SALL1: variants seen among roughly 807,000 people sequenced by gnomAD.
SALL1 encodes spalt like transcription factor 1.
Under a neutral mutation model 73.1 loss-of-function variants are expected in SALL1, and 10 were observed. The observed-to-expected ratio is 0.14, with a 90% CI of 0.08 to 0.23. The LOEUF is 0.23. SALL1 is among the 10% of genes least tolerant of loss of function. SALL1 has a pLI of 1.00. For synonymous variants in SALL1, 688 were observed against 689.8 expected (o/e 1.00, Z 0.04); for missense variants, 1,520 against 1,697.3 (o/e 0.90, Z 1.84).
chr16:51,142,042 G>A lies in SALL1; in HGVS notation c.180C>T (p.Leu60=). Residue 60 remains leucine, a synonymous_variant, in exon 2 of 3, where the codon CTC becomes CTT. Coordinates refer to ENST00000251020, the MANE Select transcript of SALL1 (RefSeq NM_002968.3). ...AEFFELSDLL[L]HKKNCTKNQL... ...GATTTTTAGTACAGTTCTTCTTGTG[G>A]AGCAGAAGATCTGATAATTCAAAGA... 1.2e-6 allele frequency: 2 copies of A among 1,613,846 alleles called. No homozygotes were observed. Among genetic ancestry groups the A allele is most frequent in the South Asian group, 1.1e-5 (1 of 91,074 alleles).
chr16:51,147,291 T>C (rs1329476796), intron 1 of SALL1, among the ~76,000 whole-genome samples: 1 of 152,246 alleles, frequency 6.6e-6, no homozygotes, highest in Non-Finnish European at 1.5e-5. Context: ...CTCATTTATG[T>C]GTTTGTTTTT....
chr16:51,141,640 G>T lies in SALL1; in HGVS notation c.582C>A (p.Asn194Lys). 2 of 1,613,854 alleles carry T rather than the reference G, an allele frequency of 1.2e-6. No individual in the cohort carries two copies. Among genetic ancestry groups the T allele is most frequent in the Non-Finnish European group, 1.7e-6 (2 of 1,180,024 alleles). Residue 194 changes from asparagine (N) to lysine (K), a missense_variant, in exon 2 of 3, where the codon AAC (asparagine) becomes AAA (lysine). Coordinates refer to ENST00000251020, the MANE Select transcript of SALL1 (RefSeq NM_002968.3). The surrounding 1 kb of genome is among the most constrained non-coding windows in gnomAD (Gnocchi z 5.4). ...TLGNFSVINS[N>K]VIIENLQSTK... ...TGCTCTGGAGGTTCTCGATGATGACGTTGCTGTTGATTACGGAGAAGTTGC... is the reference window on the plus strand; with the variant it reads ...TGCTCTGGAGGTTCTCGATGATGACTTTGCTGTTGATTACGGAGAAGTTGC...
chr16:51,150,378 G>C (rs1029697105), intron 1 of SALL1: 2 of 984,698 alleles, frequency 2.0e-6, no homozygotes, highest in South Asian at 9.4e-5. Flanking sequence ...GGCGCATACC[G>C]ACCAGAAAGA....
chr16:51,139,217 G>A lies in SALL1; in HGVS notation c.3005C>T (p.Ala1002Val), dbSNP rs1962365125. 16 of 1,614,110 alleles carry A rather than the reference G, an allele frequency of 9.9e-6. No individual in the cohort carries two copies. Among genetic ancestry groups the A allele is most frequent in the African/African-American group, 1.3e-5 (1 of 74,926 alleles). ...AAATGTTTTGCCACAAATGTCACAA[G>A]CAGTGTTTTTAAATTTACCCCGGTC... ...FRDRGKFKNT[A>V]CDICGKTFAC... is the part of the protein sequence containing the mutation. Residue 1002 changes from alanine to valine, a missense_variant, in exon 2 of 3, where the codon GCT (alanine) becomes GTT (valine). Coordinates refer to ENST00000251020, the MANE Select transcript of SALL1 (RefSeq NM_002968.3).
Position 51,140,365 on chromosome 16 carries a change from G to C in SALL1, c.1857C>G (p.Pro619=). The C allele has an allele frequency of 6.2e-7, 1 of 1,614,120 alleles. No homozygotes were observed. The change falls in exon 2 of 3, where the codon CCC becomes CCG. Residue 619 remains proline, a synonymous_variant. Transcript: ENST00000251020. This position sits in a 1 kb window ranked among gnomAD's most constrained non-coding sequence, Gnocchi z 5.7. ...PEEAEGSTLP[P]SGGKSEESGM... ...CACTCTCTTCGCTTTTGCCACCAGA[G>C]GGTGGCAGAGTGGACCCTTCGGCTT... is the stretch of plus-strand genomic sequence containing the variant.
chr16:51,145,634 T>C (rs1369921940), intron 1 of SALL1, among the ~76,000 whole-genome samples: 1 of 152,142 alleles, frequency 6.6e-6, no homozygotes, highest in Non-Finnish European at 1.5e-5. Context: ...TTCAAATTTG[T>C]CAGTTTTTCA....
At chr16:51,142,775 C>T (rs908976211) in intron 1 of SALL1, among the ~76,000 whole-genome samples, 3 of 152,200 alleles carry the variant, frequency 2.0e-5, no homozygotes, top group African/African-American at 7.2e-5. Context: ...TTCCTCAAAA[C>T]TCACTTGAAC....
chr16:51,143,646 T>G (rs2143457336), intron 1 of SALL1, among the ~76,000 whole-genome samples: 1 of 152,316 alleles, frequency 6.6e-6, no homozygotes, highest in South Asian at 2.1e-4. Flanking sequence ...TAGTAAACAT[T>G]TTTAAAAACT....
At position 51,140,685 on chromosome 16, in the gene SALL1, C is replaced by T; in HGVS notation, c.1537G>A (p.Val513Met). ...YPHIQMNPYP[V>M]PEHLDNIPTS... ...GGGATATTGTCCAAATGCTCAGGCA[C>T]AGGATAGGGGTTCATCTGGATATGA... The change falls in exon 2 of 3, where the codon GTG becomes ATG. Residue 513 changes from valine (V) to methionine (M), a missense_variant. Physicochemically the swap from Val to Met is conservative, Grantham distance 21 (BLOSUM62 1). This residue lies in a region of SALL1 where 276 missense variants were observed against 259.1 expected (regional missense o/e 1.07). Coordinates refer to ENST00000251020, the MANE Select transcript of SALL1 (RefSeq NM_002968.3). The surrounding 1 kb of genome is among the most constrained non-coding windows in gnomAD (Gnocchi z 5.7). 3 of 1,614,120 alleles carry T rather than the reference C, an allele frequency of 1.9e-6. No homozygotes were observed. The highest frequency in any genetic ancestry group is 2.5e-6 in the Non-Finnish European group (3 of 1,180,020).
Position 51,141,796 on chromosome 16 carries a change from G to A in SALL1, c.426C>T (p.Gly142=). ...TGCTTGGGGCGGTACTGCTGTGGCTGCCGCTGGAAGTGCCGCTGCCGCTTT... is the reference window on the plus strand; with the variant it reads ...TGCTTGGGGCGGTACTGCTGTGGCTACCGCTGGAAGTGCCGCTGCCGCTTT... The part of the protein sequence containing the change: ...ANKSGSGTSS[G]SHSSTAPSSS... Residue 142 remains glycine (G), a synonymous_variant, in exon 2 of 3, where the codon GGC becomes GGT. Transcript: ENST00000251020. This position sits in a 1 kb window ranked among gnomAD's most constrained non-coding sequence, Gnocchi z 5.4. The A allele has an allele frequency of 1.9e-6, 3 of 1,613,632 alleles. No individual in the cohort carries two copies. The highest frequency in any genetic ancestry group is 2.5e-6 in the Non-Finnish European group (3 of 1,179,868).
chr16:51,140,624 G>C lies in SALL1; in HGVS notation c.1598C>G (p.Pro533Arg), dbSNP rs140591268. ...STGIPYGMSIPPEKPVTSWLD... is the reference protein window; with the variant it reads ...STGIPYGMSIRPEKPVTSWLD... ...CCAGCTGGTGACTGGCTTCTCTGGA[G>C]GGATGGACATGCCATATGGGATGCC... Residue 533 changes from proline (P) to arginine (R), a missense_variant, in exon 2 of 3, where the codon CCT (proline) becomes CGT (arginine). By Grantham distance (103) the Pro-to-Arg change is moderately radical. Around this residue, in one of 7 missense-constraint regions of SALL1, gnomAD observed 276 missense variants for 259.1 expected, o/e 1.07. Transcript: ENST00000251020. The surrounding 1 kb of genome is among the most constrained non-coding windows in gnomAD (Gnocchi z 5.7). The C allele has an allele frequency of 6.8e-6, 11 of 1,614,182 alleles. No homozygotes were observed. The highest frequency in any genetic ancestry group is 3.3e-5 in the Admixed American group (2 of 60,024).
At chr16:51,150,764 C>T in intron 1 of SALL1, 1 of 232,650 alleles carries the variant, frequency 4.3e-6, no homozygotes, top group Non-Finnish European at 7.3e-6. Flanking sequence ...GGGCCGGCGC[C>T]GGGAGCGCTA....
intron 1 of SALL1, among the ~76,000 whole-genome samples, chr16:51,147,127 T>C (rs1254394492): frequency 1.3e-5 from 2 of 152,148 alleles, no homozygotes; most frequent in Non-Finnish European, 2.9e-5. Flanking sequence ...TCCAAAAGTA[T>C]AAAGAAAACA....
At chr16:51,148,318 T>C (rs1962547693) in intron 1 of SALL1, among the ~76,000 whole-genome samples, 1 of 152,204 alleles carries the variant, frequency 6.6e-6, no homozygotes, top group South Asian at 2.1e-4. Context: ...TCCTGTAACT[T>C]AGGTCTACAA....
At chr16:51,137,574 CAGAGAGACAG>C (rs745474452) in intron 2 of SALL1, 22 bp from the exon 3 acceptor site, 1 of 1,554,772 alleles carries the variant, frequency 6.4e-7, no homozygotes, top group Non-Finnish European at 8.9e-7. Flanking sequence ...GGAGGGCAGG[CAGAGAGACAG>C]AGAGAGAGAG....
intron 1 of SALL1, among the ~76,000 whole-genome samples, chr16:51,147,165 C>A (rs889268310): frequency 1.3e-5 from 2 of 152,188 alleles, no homozygotes; most frequent in Non-Finnish European, 2.9e-5. Context: ...AGAACCTATA[C>A]GTTGGCACTT....
intron 1 of SALL1, among the ~76,000 whole-genome samples, chr16:51,143,812 T>C (rs752795820): frequency 4.6e-5 from 7 of 152,210 alleles, no homozygotes; most frequent in Non-Finnish European, 8.8e-5. Context: ...GGAGTGTTAT[T>C]TGAGTAGCTA....
At chr16:51,138,179 T>C (rs1962346079) in intron 2 of SALL1, among the ~76,000 whole-genome samples, 1 of 152,240 alleles carries the variant, frequency 6.6e-6, no homozygotes, top group Non-Finnish European at 1.5e-5. Flanking sequence ...TAGGAAATGC[T>C]GTATAATCAA....
Position 51,137,250 on chromosome 16 carries a change from C to T in SALL1, c.3837G>A (p.Thr1279=), listed in dbSNP as rs1178495720. Residue 1279 remains threonine, a synonymous_variant, in exon 3 of 3, where the codon ACG becomes ACA. Coordinates refer to ENST00000251020, the MANE Select transcript of SALL1 (RefSeq NM_002968.3). ...AGTTCTGGAGCCTCTCCAGGTTTCC[C>T]GTCAGCCCACTAACAGGTGAGCTGT... ...SGNSSPVSGL[T]GNLERLQNSE... 14 of 1,614,102 alleles carry T rather than the reference C, an allele frequency of 8.7e-6. No individual in the cohort carries two copies. Among genetic ancestry groups the T allele is most frequent in the Admixed American group, 5.0e-5 (3 of 60,012 alleles).
Sources: allele counts gnomAD v4.1 joint callset (sites outside exome capture counted in the v4.1 genomes callset), GRCh38; gene constraint gnomAD v4.1.1; regional missense constraint gnomAD v4.1.1; non-coding constraint Gnocchi (gnomAD v3.1); transcripts MANE v1.5; gene names NCBI Gene and HGNC (gene_info 2026-07-23, HGNC 2026-07-21).